The following BRINP3 variants were observed in gnomAD, a reference collection of about 807,000 sequenced individuals.
BRINP3 encodes the protein BMP/retinoic acid-inducible neural-specific protein 3.
BRINP3 carries 19 observed loss-of-function variants against 71.0 expected under a neutral mutation model. The observed-to-expected ratio is 0.27, with a 90% CI of 0.19 to 0.39. The LOEUF (loss-of-function observed/expected upper bound fraction) is 0.39. Ranked by LOEUF, BRINP3 falls within the 10% of genes least tolerant of loss-of-function variation. The pLI is 1.00. For synonymous variants in BRINP3, 380 were observed against 337.7 expected, an observed-to-expected ratio of 1.13 and a Z score of -1.37; for missense variants, 959 against 940.8, an observed-to-expected ratio of 1.02 and a Z score of -0.25.
At chr1:190,311,766 T>C (rs905830175) in intron 2 of BRINP3, among the ~76,000 whole-genome samples, 1 of 150,510 alleles carries the variant, frequency 6.6e-6, no homozygotes, top group African/African-American at 2.4e-5. Flanking sequence ...ACACTAAAGA[T>C]AGAGAAGAAG....
At chr1:190,374,366 TG>T (rs1170281677) in intron 2 of BRINP3, among the ~76,000 whole-genome samples, 18 of 152,296 alleles carry the variant, frequency 1.2e-4, no homozygotes, top group African/African-American at 4.3e-4. Context: ...GGGCTAATAC[TG>T]GAAGCTTTAT....
chr1:190,283,721 C>T (rs899721610), intron 2 of BRINP3, among the ~76,000 whole-genome samples: 1 of 150,138 alleles, frequency 6.7e-6, no homozygotes, highest in Non-Finnish European at 1.5e-5. Context: ...ATATTTAAGT[C>T]CTAAATTTGA....
chr1:190,290,705 T>A (rs1344406483), intron 2 of BRINP3, among the ~76,000 whole-genome samples: 1 of 152,170 alleles, frequency 6.6e-6, no homozygotes, highest in Non-Finnish European at 1.5e-5. Flanking sequence ...CTGAGGTGTG[T>A]GCTCTTTTTA....
intron 2 of BRINP3, among the ~76,000 whole-genome samples, chr1:190,431,637 G>A (rs1469588397): frequency 1.3e-5 from 2 of 152,106 alleles, no homozygotes; most frequent in Non-Finnish European, 2.9e-5. Flanking sequence ...GATTACAGGT[G>A]TGAGCCTGGC....
chr1:190,450,142 T>C (rs1484015003), intron 2 of BRINP3, among the ~76,000 whole-genome samples: 2 of 152,168 alleles, frequency 1.3e-5, no homozygotes, highest in Non-Finnish European at 2.9e-5. Context: ...ATCATTTTTC[T>C]GTGGCTACAT....
Position 190,454,661 on chromosome 1 carries a change from A to G in BRINP3, c.230T>C (p.Ile77Thr). The G allele has an allele frequency of 3.7e-6, 6 of 1,613,308 alleles. No homozygotes were observed. Among genetic ancestry groups the G allele is most frequent in the Non-Finnish European group, 5.1e-6 (6 of 1,179,390 alleles). The change falls in exon 2 of 8, where the codon ATA becomes ACA. Residue 77 changes from isoleucine (I) to threonine (T), a missense_variant. By Grantham distance (89) the Ile-to-Thr change is moderately conservative (BLOSUM62 -1). Coordinates refer to ENST00000367462, the MANE Select transcript of BRINP3 (RefSeq NM_199051.3). ...CTTTCCCTTTGCTTCATACCTGTAT[A>G]TCTTGTATCTTGTGCTAAATCCCTG... ...SRQGFSTRYK[I>T]YREFGRWKVN...
In BRINP3 at chr1:190,226,280, A is replaced by T; in HGVS notation, c.763T>A (p.Phe255Ile). The T allele has an allele frequency of 1.9e-6, 3 of 1,609,306 alleles. No individual in the cohort carries two copies. The highest frequency in any genetic ancestry group is 2.5e-6 in the Non-Finnish European group (3 of 1,177,496). ...VLLPDYLQER[F>I]VQAALSYIAC... ...ATGTAGCTCAAAGCTGCTTGTACAA[A>T]ACGTTCCTGAAGATAGTCTGGGAGA... The change falls in exon 6 of 8, where the codon TTT becomes ATT. Residue 255 changes from phenylalanine (F) to isoleucine (I), a missense_variant. Phe to Ile is a conservative substitution (Grantham distance 21, BLOSUM62 0). Coordinates refer to ENST00000367462, the MANE Select transcript of BRINP3 (RefSeq NM_199051.3).
chr1:190,292,742 T>A (rs1160358755), intron 2 of BRINP3, among the ~76,000 whole-genome samples: 1 of 152,146 alleles, frequency 6.6e-6, no homozygotes, highest in Non-Finnish European at 1.5e-5. Context: ...TATTGGTTTA[T>A]TCAGGTTTTC....
At chr1:190,474,537 A>C (rs960901823) in intron 1 of BRINP3, 49 of 152,714 alleles carry the variant, frequency 3.2e-4, no homozygotes, top group African/African-American at 1.1e-3. Context: ...GCTTACGTAC[A>C]TTTGACTAGA....
chr1:190,408,045 G>A (rs1672406274), intron 2 of BRINP3, among the ~76,000 whole-genome samples: 1 of 92,750 alleles, frequency 1.1e-5, no homozygotes, highest in Admixed American at 1.7e-4. Flanking sequence ...TTTTTGAGAT[G>A]GAGTCTCGCT....
chr1:190,419,876 C>T (rs563555974), intron 2 of BRINP3, among the ~76,000 whole-genome samples: 41 of 151,144 alleles, frequency 2.7e-4, no homozygotes, highest in African/African-American at 8.5e-4. Context: ...AAAAAAAATA[C>T]TCCCAGGTCA....
chr1:190,270,802 C>T (rs915885288), intron 3 of BRINP3, among the ~76,000 whole-genome samples: 7 of 151,556 alleles, frequency 4.6e-5, no homozygotes, highest in Admixed American at 3.3e-4. Flanking sequence ...CTAAAGGATT[C>T]GGCTATTCCC....
intron 2 of BRINP3, among the ~76,000 whole-genome samples, chr1:190,284,274 T>C (rs1479388321): frequency 1.3e-5 from 2 of 152,024 alleles, no homozygotes; most frequent in Non-Finnish European, 2.9e-5. Flanking sequence ...ATGTATCTTA[T>C]GAAATCAATT....
chr1:190,155,360 T>G (rs915959677), intron 7 of BRINP3, among the ~76,000 whole-genome samples: 9 of 152,166 alleles, frequency 5.9e-5, no homozygotes, highest in African/African-American at 1.9e-4. Context: ...GTACTTCTAT[T>G]CACAACTCTG....
At chr1:190,301,184 TATGTATATATATACACATAC>T (rs1215645667) in intron 2 of BRINP3, among the ~76,000 whole-genome samples, 24 of 112,896 alleles carry the variant, frequency 2.1e-4, no homozygotes, top group Non-Finnish European at 7.2e-5. Context: ...TACATATATA[TATGTATATATATACACATAC>T]ATATATATAT....
chr1:190,130,137 G>T (rs1027708707), intron 7 of BRINP3, among the ~76,000 whole-genome samples: 2 of 151,910 alleles, frequency 1.3e-5, no homozygotes. Context: ...TCTCTAGTTT[G>T]CAAGTTTTAA....
chr1:190,289,435 A>G (rs1663685963), intron 2 of BRINP3, among the ~76,000 whole-genome samples: 1 of 151,990 alleles, frequency 6.6e-6, no homozygotes, highest in Admixed American at 6.6e-5. Context: ...TCATATATAC[A>G]TCAGATAGGG....
Position 190,098,924 on chromosome 1 carries a change from G to T in BRINP3, c.1395C>A (p.Thr465=). 1.9e-6 allele frequency: 3 copies of T among 1,614,172 alleles called. No homozygotes were observed. The highest frequency in any genetic ancestry group is 2.5e-6 in the Non-Finnish European group (3 of 1,180,030). Residue 465 remains threonine (T), a synonymous_variant, in exon 8 of 8, where the codon ACC becomes ACA. Transcript: ENST00000367462. ...DNRTRCGTCN[T]GYMLSQGLCK... ...AGAGCCCCTGGCTGAGCATGTAGCC[G>T]GTGTTGCAGGTGCCGCAGCGGGTGC...
chr1:190,301,586 A>T (rs973634450), intron 2 of BRINP3, among the ~76,000 whole-genome samples: 1 of 151,650 alleles, frequency 6.6e-6, no homozygotes, highest in Non-Finnish European at 1.5e-5. Context: ...TGAAATAAAA[A>T]TTTTTAAAGT....
Sources: gnomAD v4.1 joint callset for allele counts (sites outside exome capture counted in the v4.1 genomes callset) on GRCh38, gnomAD v4.1.1 for gene constraint, MANE v1.5 for transcripts, NCBI Gene and HGNC (gene_info 2026-07-23, HGNC 2026-07-21) for gene names.